EI24: variants seen among roughly 807,000 people sequenced by gnomAD.
The protein encoded by EI24 is EI24 autophagy associated transmembrane protein.
EI24 carries 21 observed loss-of-function variants against 48.6 expected under a neutral mutation model. The ratio of observed to expected loss-of-function variants is 0.43; its 90% CI spans 0.31 to 0.62. The LOEUF is 0.62. Among genes scored for constraint, EI24 ranks in the 20% least tolerant of loss-of-function variants. The pLI is 0.10. For missense variants in EI24, 280 were observed against 410.5 expected (o/e 0.68, Z 2.75); for synonymous variants, 114 against 145.5 (o/e 0.78, Z 1.56).
At chr11:125,582,192 C>CCATCTCAA (rs1326615696) in intron 9 of EI24, among the ~76,000 whole-genome samples, 154 bp from the exon 10 acceptor site, 2 of 151,286 alleles carry the variant, frequency 1.3e-5, no homozygotes, top group African/African-American at 4.9e-5. Context: ...GAACGCGACT[C>CCATCTCAA]CATCTCAAAA....
At chr11:125,582,534 T>C (rs1165926849) in intron 10 of EI24, 114 bp downstream of exon 10, 1 of 807,642 alleles carries the variant, frequency 1.2e-6, no homozygotes. Flanking sequence ...AAAATCTTAA[T>C]ATAAGGTTTA....
intron 8 of EI24, 89 bp from the exon 9 acceptor site, chr11:125,581,122 C>G (rs575135185): frequency 4.4e-6 from 2 of 453,634 alleles, no homozygotes; most frequent in Non-Finnish European, 7.4e-6. Context: ...AAATCTGTAC[C>G]TAAAACTCAT....
chr11:125,574,220 T>C (rs773084876), intron 2 of EI24, among the ~76,000 whole-genome samples: 4 of 151,384 alleles, frequency 2.6e-5, no homozygotes, highest in Non-Finnish European at 4.4e-5. Flanking sequence ...GCCACTGCAC[T>C]CCAGCCTGGG....
At chr11:125,583,384 A>C (rs1939094423) in intron 10 of EI24, 137 bp from the exon 11 acceptor site, 1 of 729,838 alleles carries the variant, frequency 1.4e-6, no homozygotes, top group African/African-American at 1.8e-5. Flanking sequence ...CATGTATCTA[A>C]TATCTGTATT....
chr11:125,583,308 T>G (rs2011477130), intron 10 of EI24, among the ~76,000 whole-genome samples: 1 of 152,114 alleles, frequency 6.6e-6, no homozygotes, highest in Non-Finnish European at 1.5e-5. Flanking sequence ...CCTCCCAAAG[T>G]GCTGGGATTA....
At chr11:125,577,777 GA>G in intron 5 of EI24, 1 of 562,456 alleles carries the variant, frequency 1.8e-6, no homozygotes, top group Non-Finnish European at 3.1e-6. Context: ...TCCATTTTAT[GA>G]ATGAGGAAAT....
chr11:125,579,025 A>G lies in EI24; in HGVS notation c.518A>G (p.Asp173Gly). Reference sequence around the variant, plus strand: ...CCTAGTGTCAGCAAAATAATTGCTGACATGCTCTTCAACCTTTTGCTGCAG... The same window carrying G: ...CCTAGTGTCAGCAAAATAATTGCTGGCATGCTCTTCAACCTTTTGCTGCAG... ...PFPSVSKIIA[D>G]MLFNLLLQAL... is the part of the protein sequence containing the mutation. Residue 173 changes from aspartate (D) to glycine (G), a missense_variant, in exon 7 of 11, where the codon GAC becomes GGC. Physicochemically the swap from Asp to Gly is moderately conservative, Grantham distance 94. Coordinates refer to ENST00000278903, the MANE Select transcript of EI24 (RefSeq NM_004879.5). The G allele has an allele frequency of 6.3e-7, 1 of 1,581,734 alleles. No individual in the cohort carries two copies. Among genetic ancestry groups the G allele is most frequent in the South Asian group, 1.2e-5 (1 of 86,490 alleles).
At chr11:125,583,435 G>A in intron 10 of EI24, 86 bp from the exon 11 acceptor site, 1 of 1,128,542 alleles carries the variant, frequency 8.9e-7, no homozygotes, top group South Asian at 1.6e-5. Context: ...TCCCTGTGTA[G>A]TTTTAAATTT....
intron 5 of EI24, chr11:125,577,792 A>G: frequency 1.8e-6 from 1 of 562,696 alleles, no homozygotes; most frequent in Non-Finnish European, 3.1e-6. Context: ...AGGAAATGCA[A>G]GTTACCAAGG....
At chr11:125,570,469 T>G (rs1403228893) in intron 1 of EI24, 1 of 152,226 alleles carries the variant, frequency 6.6e-6, no homozygotes, top group East Asian at 1.9e-4. Flanking sequence ...AGGATCTAAG[T>G]ATAAAAGTGA....
rs1049441263 is a variant in EI24 at position 125,578,003 on chromosome 11, A to G, written c.317-130A>G. The G allele has an allele frequency of 4.9e-6, 5 of 1,029,434 alleles. No individual in the cohort carries two copies. In the Admixed American group the frequency reaches 6.4e-5, roughly 13 times the overall value. 63.8% of individuals were successfully genotyped at this position (1,029,434 alleles called of 1,614,324 possible). Reference sequence around the variant, plus strand: ...ATGAGTTAGACTCTTTGAGATAGGTATAGTGATGTGCTGGCAAGAACTAGA... The same window carrying G: ...ATGAGTTAGACTCTTTGAGATAGGTGTAGTGATGTGCTGGCAAGAACTAGA... On this transcript the variant is annotated intron_variant, in intron 5 of 10. Transcript: ENST00000278903.
At chr11:125,577,758 G>A in intron 5 of EI24, 188 bp downstream of exon 5, 2 of 568,404 alleles carry the variant, frequency 3.5e-6, no homozygotes, top group East Asian at 3.0e-5. Flanking sequence ...AATGGGTACT[G>A]TTGTTCTATC....
chr11:125,574,743 C>G (rs1050968586), intron 2 of EI24: 15 of 152,272 alleles, frequency 9.9e-5, no homozygotes, highest in Admixed American at 8.5e-4. Flanking sequence ...AGCACATGTA[C>G]TAAAATTGGA....
In EI24 at chr11:125,583,554, C is replaced by A; in HGVS notation, c.894C>A (p.Val298=). 6.2e-7 allele frequency: 1 copy of A among 1,607,116 alleles called. No individual in the cohort carries two copies. Among genetic ancestry groups the A allele is most frequent in the Non-Finnish European group, 8.5e-7 (1 of 1,176,602 alleles). The change falls in exon 11 of 11, where the codon GTC becomes GTA. Residue 298 remains valine, a synonymous_variant. Coordinates refer to ENST00000278903, the MANE Select transcript of EI24 (RefSeq NM_004879.5). ...AGTTGCGCCTCTTCTCCTTGGTGGT[C>A]TTCTTAAGCAACAGACTCTTCCACA... ...LFQLRLFSLV[V]FLSNRLFHKT...
intron 9 of EI24, among the ~76,000 whole-genome samples, chr11:125,582,080 C>T (rs1939030017): frequency 6.6e-6 from 1 of 151,884 alleles, no homozygotes; most frequent in Non-Finnish European, 1.5e-5. Context: ...CACCTGTAAT[C>T]CCAGCTACTT....
In EI24 at chr11:125,579,001, C is replaced by G; in HGVS notation, c.494C>G (p.Pro165Arg). Residue 165 changes from proline to arginine, a missense_variant, in exon 7 of 11, where the codon CCT becomes CGT. Physicochemically the swap from Pro to Arg is moderately radical, Grantham distance 103. Around this residue, in one of 3 missense-constraint regions of EI24, gnomAD observed 204 missense variants for 294.1 expected, o/e 0.69. Transcript: ENST00000278903. ...EVSGRKPHPFPSVSKIIADML... is the reference protein window; with the variant it reads ...EVSGRKPHPFRSVSKIIADML... ...TCAGGGAGGAAGCCTCACCCATTCC[C>G]TAGTGTCAGCAAAATAATTGCTGAC... 2 of 1,590,280 alleles carry G rather than the reference C, an allele frequency of 1.3e-6. No homozygotes were observed. Among genetic ancestry groups the G allele is most frequent in the South Asian group, 2.3e-5 (2 of 87,284 alleles).
chr11:125,572,534 G>C lies in EI24; in HGVS notation c.7G>C (p.Asp3His). 6.2e-7 allele frequency: 1 copy of C among 1,613,758 alleles called. No homozygotes were observed. Among genetic ancestry groups the C allele is most frequent in the Non-Finnish European group, 8.5e-7 (1 of 1,179,820 alleles). The change falls in exon 2 of 11, where the codon GAC (aspartate) becomes CAC (histidine). Residue 3 changes from aspartate (D) to histidine (H), a missense_variant. Coordinates refer to ENST00000278903, the MANE Select transcript of EI24 (RefSeq NM_004879.5). The stretch of plus-strand genomic sequence containing the variant: ...ATAGTTTGGTGGTGAAGAGATGGCT[G>C]ACAGTGTCAAAACCTTTCTCCAGGA... The part of the protein sequence containing the change: MA[D>H]SVKTFLQDLA...
At chr11:125,572,401 G>T in intron 1 of EI24, 57 bp from the exon 2 acceptor site, 1 of 836,222 alleles carries the variant, frequency 1.2e-6, no homozygotes. Context: ...AAATGTGCAT[G>T]AAGTAACTTA....
rs753744418 is a variant in EI24, at chr11:125,583,728, T to G, written c.*45T>G. ...GGATGGGCGGGATTGGAAGAAGCTG[T>G]GGCAGCTCTTTTCCCTGTTCACCTC... is the stretch of plus-strand genomic sequence containing the variant. On this transcript the variant is annotated 3_prime_UTR_variant, in exon 11 of 11. Coordinates refer to ENST00000278903, the MANE Select transcript of EI24 (RefSeq NM_004879.5). 3 of 1,588,420 alleles carry G rather than the reference T, an allele frequency of 1.9e-6. No homozygotes were observed. Among genetic ancestry groups the G allele is most frequent in the East Asian group, 4.6e-5 (2 of 43,566 alleles).
Sources: gnomAD v4.1 joint callset for allele counts (sites outside exome capture counted in the v4.1 genomes callset) on GRCh38, gnomAD v4.1.1 for gene constraint, gnomAD v4.1.1 regional missense constraint, MANE v1.5 for transcripts, NCBI Gene and HGNC (gene_info 2026-07-23, HGNC 2026-07-21) for gene names.